The following ROCK1 variants were observed in gnomAD, a reference collection of about 807,000 sequenced individuals.
The protein encoded by ROCK1 is Rho associated coiled-coil containing protein kinase 1.
In ROCK1, 36 loss-of-function variants were observed where a neutral mutation model predicts 196.8. That is an observed-to-expected ratio of 0.18 (90% CI 0.14 to 0.24). ROCK1 has a LOEUF of 0.24. Ranked by LOEUF, ROCK1 falls within the 10% of genes least tolerant of loss-of-function variation. The pLI, the probability that ROCK1 is intolerant of heterozygous loss-of-function variation, is 1.00. For missense variants in ROCK1, 920 were observed against 1,562.0 expected (o/e 0.59, Z 6.93); for synonymous variants, 443 against 515.9 (o/e 0.86, Z 1.91).
intron 21 of ROCK1, among the ~76,000 whole-genome samples, chr18:20,980,497 A>G (rs373327539): frequency 5.3e-5 from 8 of 152,318 alleles, no homozygotes; most frequent in African/African-American, 1.9e-4. Context: ...GTGAAGGGCC[A>G]TAAGGGAACT....
intron 12 of ROCK1, among the ~76,000 whole-genome samples, chr18:21,017,184 TTC>T (rs1392249180): frequency 2.8e-5 from 4 of 143,814 alleles, no homozygotes; most frequent in South Asian, 2.2e-4. Flanking sequence ...CATACCACAC[TTC>T]TTTTTTTTTT....
chr18:21,039,585 A>C, intron 8 of ROCK1, 22 bp from the exon 9 acceptor site: 1 of 1,510,706 alleles, frequency 6.6e-7, no homozygotes, highest in Non-Finnish European at 9.2e-7. Flanking sequence ...CAGAAGGAGA[A>C]AAGTAATCAA....
At chr18:21,088,838 T>G (rs1380500511) in intron 1 of ROCK1, among the ~76,000 whole-genome samples, 2 of 152,138 alleles carry the variant, frequency 1.3e-5, no homozygotes, top group African/African-American at 4.8e-5. Context: ...TCCAGGCACC[T>G]TCTTGGATTC....
chr18:21,104,553 C>T (rs2036687388), intron 1 of ROCK1, among the ~76,000 whole-genome samples: 1 of 152,100 alleles, frequency 6.6e-6, no homozygotes, highest in African/African-American at 2.4e-5. Context: ...GCCAAGATAG[C>T]GCCACGGCAC....
rs536158527 is a variant in ROCK1, at chr18:20,989,471, T to C, written c.2143+1705A>G. ...TAGTAGGTTAAGAATAAGCAGAAGG[T>C]GAGGAAAAGACTTTTAGAAGTTTGG... On this transcript the variant is annotated intron_variant, in intron 18 of 32. Coordinates refer to ENST00000399799, the MANE Select transcript of ROCK1 (RefSeq NM_005406.3). 9.2e-5 allele frequency among the ~76,000 whole-genome samples: 14 copies of C among 152,264 alleles called. 2 individuals carry two copies. The South Asian group carries it at 2.9e-3, about 32-fold the overall frequency.
chr18:20,996,884 A>G (rs1261130543), intron 16 of ROCK1, among the ~76,000 whole-genome samples: 1 of 152,192 alleles, frequency 6.6e-6, no homozygotes, highest in Non-Finnish European at 1.5e-5. Context: ...TCAGTTTAAA[A>G]TAACGGGTTA....
chr18:20,990,743 T>C (rs1249198775), intron 18 of ROCK1, among the ~76,000 whole-genome samples: 3 of 130,088 alleles, frequency 2.3e-5, no homozygotes, highest in East Asian at 4.7e-4. Context: ...AAGGAAGGCA[T>C]CCTCTTCTTG....
chr18:21,012,363 T>C (rs1373737877), intron 13 of ROCK1, among the ~76,000 whole-genome samples: 1 of 152,206 alleles, frequency 6.6e-6, no homozygotes, highest in Non-Finnish European at 1.5e-5. Context: ...CTGAGAATGT[T>C]GTCATTTTCT....
intron 19 of ROCK1, among the ~76,000 whole-genome samples, chr18:20,986,681 G>C (rs1477090493): frequency 2.0e-5 from 3 of 152,094 alleles, no homozygotes; most frequent in Non-Finnish European, 4.4e-5. Flanking sequence ...CAGATGGTCA[G>C]TTTTTTCAGG....
chr18:21,015,563 A>T, intron 12 of ROCK1, 84 bp from the exon 13 acceptor site: 3 of 860,148 alleles, frequency 3.5e-6, no homozygotes, highest in Non-Finnish European at 5.7e-6. Context: ...TTACTTTTCC[A>T]CTTAACTAGA....
chr18:20,993,048 A>T, intron 16 of ROCK1, 111 bp from the exon 17 acceptor site: 3 of 606,390 alleles, frequency 4.9e-6, no homozygotes, highest in Non-Finnish European at 8.6e-6. Context: ...AAGTTTCCTG[A>T]TCCGATAAGA....
Position 20,967,742 on chromosome 18 carries a change from G to A in ROCK1, c.3192+10C>T, listed in dbSNP as rs777803260. ...TCACACTCATATCCATACACACACA[G>A]AAACCTTACCGCTTGCATGTCATTC... On this transcript the variant is annotated intron_variant, in intron 26 of 32. Coordinates refer to ENST00000399799, the MANE Select transcript of ROCK1 (RefSeq NM_005406.3). 3 of 1,577,602 alleles carry A rather than the reference G, an allele frequency of 1.9e-6. No individual in the cohort carries two copies. The Admixed American group carries it at 5.7e-5, about 30-fold the overall frequency.
chr18:20,967,097 G>C, intron 26 of ROCK1, 21 bp from the exon 27 acceptor site: 1 of 1,539,686 alleles, frequency 6.5e-7, no homozygotes, highest in Non-Finnish European at 8.9e-7. Flanking sequence ...AAAGTATCAA[G>C]ATAATATAAT....
intron 16 of ROCK1, among the ~76,000 whole-genome samples, chr18:20,996,363 TAC>T (rs918864299): frequency 3.0e-4 from 46 of 152,048 alleles, no homozygotes; most frequent in African/African-American, 1.1e-3. Context: ...TATTTGAAAA[TAC>T]AGTCATAGGA....
At chr18:20,996,879 T>G (rs1488722732) in intron 16 of ROCK1, among the ~76,000 whole-genome samples, 3 of 152,154 alleles carry the variant, frequency 2.0e-5, no homozygotes, top group African/African-American at 7.2e-5. Context: ...CATCATCAGT[T>G]TAAAATAACG....
intron 16 of ROCK1, among the ~76,000 whole-genome samples, chr18:20,994,765 AT>A (rs1293527192): frequency 6.6e-6 from 1 of 152,176 alleles, no homozygotes; most frequent in African/African-American, 2.4e-5. Context: ...TATTTTCCTC[AT>A]TTACTCTGTC....
intron 1 of ROCK1, among the ~76,000 whole-genome samples, chr18:21,073,208 A>G (rs151168666): frequency 2.8e-4 from 43 of 152,030 alleles, no homozygotes; most frequent in Admixed American, 1.0e-3. Flanking sequence ...GACCAGTTGT[A>G]GCAGTTACAT....
chr18:21,063,170 G>A (rs997968082), intron 2 of ROCK1, among the ~76,000 whole-genome samples: 2 of 152,042 alleles, frequency 1.3e-5, no homozygotes, highest in African/African-American at 4.8e-5. Context: ...CCATTCATGG[G>A]GGTGGAACCC....
chr18:21,107,353 C>T (rs1480703422), intron 1 of ROCK1, among the ~76,000 whole-genome samples: 1 of 152,044 alleles, frequency 6.6e-6, no homozygotes, highest in Admixed American at 6.5e-5. Flanking sequence ...TTGGAAGTTT[C>T]CATTTCTAAG....
Sources: allele counts gnomAD v4.1 joint callset (sites outside exome capture counted in the v4.1 genomes callset), GRCh38; gene constraint gnomAD v4.1.1; transcripts MANE v1.5; gene names NCBI Gene and HGNC (gene_info 2026-07-23, HGNC 2026-07-21).